PDE4B: variants seen among roughly 807,000 people sequenced by gnomAD.
The protein encoded by PDE4B is 3',5'-cyclic-AMP phosphodiesterase 4B.
Under a neutral mutation model 82.2 loss-of-function variants are expected in PDE4B, and 20 were observed. The ratio of observed to expected loss-of-function variants is 0.24; its 90% CI spans 0.17 to 0.35. The LOEUF (loss-of-function observed/expected upper bound fraction) is 0.35. PDE4B is among the 10% of genes least tolerant of loss of function. The pLI, the probability that PDE4B is intolerant of heterozygous loss-of-function variation, is 1.00. For synonymous variants in PDE4B, 320 were observed against 318.9 expected, an observed-to-expected ratio of 1.00 and a Z score of -0.04; for missense variants, 655 against 907.2, an observed-to-expected ratio of 0.72 and a Z score of 3.57.
intron 3 of PDE4B, among the ~76,000 whole-genome samples, chr1:65,950,769 G>C (rs920620975): frequency 6.6e-6 from 1 of 152,046 alleles, no homozygotes; most frequent in African/African-American, 2.4e-5. Flanking sequence ...CTCTGGAATA[G>C]GGGTGAGCTG....
chr1:65,952,368 A>G (rs1569798352), intron 3 of PDE4B, among the ~76,000 whole-genome samples: 2 of 152,092 alleles, frequency 1.3e-5, no homozygotes, highest in Admixed American at 1.3e-4. Flanking sequence ...TCATAAAAAG[A>G]AAGTGAATTC....
At position 65,946,752 on chromosome 1, in the gene PDE4B, C is replaced by G. The variant is rs536906212; in HGVS notation, c.281+27917C>G. On this transcript the variant is annotated intron_variant, in intron 3 of 16. Coordinates refer to ENST00000341517, the MANE Select transcript of PDE4B (RefSeq NM_002600.4). The stretch of plus-strand genomic sequence containing the variant: ...ATGTGGTGCAAGCAAGAGTCCTGGA[C>G]CTTATGCAGACCCATTTGTTGCCTG... 2.0e-5 allele frequency among the ~76,000 whole-genome samples: 3 copies of G among 152,052 alleles called. No homozygotes were observed. In the South Asian group the frequency reaches 6.2e-4, roughly 32 times the overall value.
At position 66,332,526 on chromosome 1, in the gene PDE4B, T is replaced by C; in HGVS notation, c.653T>C (p.Leu218Ser). Residue 218 changes from leucine to serine, a missense_variant, in exon 8 of 17, where the codon TTA becomes TCA. Transcript: ENST00000341517. ...TTTGCAGAAGAATCTTATCAAAAAT[T>C]AGCAATGGAAACGCTGGAGGAATTA... ...VNPQEESYQK[L>S]AMETLEELDW... 6.2e-7 allele frequency: 1 copy of C among 1,614,164 alleles called. No homozygotes were observed. The highest frequency in any genetic ancestry group is 2.2e-5 in the East Asian group (1 of 44,892).
intron 1 of PDE4B, among the ~76,000 whole-genome samples, chr1:65,888,185 C>A (rs1646813684): frequency 6.6e-6 from 1 of 152,098 alleles, no homozygotes; most frequent in Non-Finnish European, 1.5e-5. Flanking sequence ...ATTTTCCTAG[C>A]ACCATTTATT....
chr1:65,811,310 G>T (rs1437287704), intron 1 of PDE4B, among the ~76,000 whole-genome samples: 3 of 152,192 alleles, frequency 2.0e-5, no homozygotes, highest in African/African-American at 4.8e-5. Context: ...AATTTTTGTT[G>T]TATTTCATGG....
intron 7 of PDE4B, among the ~76,000 whole-genome samples, chr1:66,282,085 A>T (rs1656340717): frequency 6.6e-6 from 1 of 152,182 alleles, no homozygotes; most frequent in Admixed American, 6.5e-5. Context: ...CACCCTTGAG[A>T]TGGTGTTTAC....
chr1:65,845,321 A>G (rs1646256286), intron 1 of PDE4B, among the ~76,000 whole-genome samples: 1 of 152,212 alleles, frequency 6.6e-6, no homozygotes, highest in Admixed American at 6.6e-5. Context: ...CTAAATTTTT[A>G]GCCCTGCTCT....
intron 3 of PDE4B, among the ~76,000 whole-genome samples, chr1:66,214,668 C>T (rs1015853425): frequency 1.3e-5 from 2 of 151,974 alleles, no homozygotes; most frequent in Non-Finnish European, 2.9e-5. Context: ...GATTAAGAAT[C>T]TGTAGATCAG....
At chr1:65,908,365 A>T (rs1183817421) in intron 1 of PDE4B, among the ~76,000 whole-genome samples, 1 of 152,160 alleles carries the variant, frequency 6.6e-6, no homozygotes, top group Non-Finnish European at 1.5e-5. Flanking sequence ...AGAATTTAGA[A>T]TGATTGGCTT....
At chr1:65,972,610 G>A (rs1056178073) in intron 3 of PDE4B, among the ~76,000 whole-genome samples, 1 of 152,138 alleles carries the variant, frequency 6.6e-6, no homozygotes, top group African/African-American at 2.4e-5. Flanking sequence ...GGAATTGGAT[G>A]AGAGACACAA....
At chr1:65,883,689 C>G (rs982703437) in intron 1 of PDE4B, among the ~76,000 whole-genome samples, 1 of 152,122 alleles carries the variant, frequency 6.6e-6, no homozygotes, top group African/African-American at 2.4e-5. Flanking sequence ...ACTTCCAACA[C>G]TATGTTGAAT....
intron 3 of PDE4B, among the ~76,000 whole-genome samples, chr1:66,019,864 A>G (rs1652991826): frequency 6.6e-6 from 1 of 152,194 alleles, no homozygotes; most frequent in East Asian, 1.9e-4. Flanking sequence ...TGAGTAGACA[A>G]TACTCTCAGA....
intron 3 of PDE4B, among the ~76,000 whole-genome samples, chr1:66,218,413 T>C (rs1650679608): frequency 6.6e-6 from 1 of 152,126 alleles, no homozygotes; most frequent in Admixed American, 6.6e-5. Context: ...TCTAAACTGT[T>C]TGGAAAGTAC....
At chr1:66,357,042 G>A (rs759087781) in intron 9 of PDE4B, among the ~76,000 whole-genome samples, 2 of 152,166 alleles carry the variant, frequency 1.3e-5, no homozygotes, top group African/African-American at 2.4e-5. Context: ...AATGCCCAAC[G>A]ATTTTTCATT....
intron 3 of PDE4B, among the ~76,000 whole-genome samples, chr1:66,125,075 G>A (rs1278416495): frequency 6.6e-6 from 1 of 151,210 alleles, no homozygotes; most frequent in Non-Finnish European, 1.5e-5. Context: ...TTGAGACGGA[G>A]TCTCAATCTA....
intron 1 of PDE4B, among the ~76,000 whole-genome samples, chr1:65,829,068 A>G (rs919259037): frequency 6.6e-6 from 1 of 150,390 alleles, no homozygotes; most frequent in Admixed American, 6.6e-5. Context: ...AACAACAACA[A>G]CAAAACACTT....
At chr1:66,192,604 T>C (rs1383236657) in intron 3 of PDE4B, among the ~76,000 whole-genome samples, 2 of 152,224 alleles carry the variant, frequency 1.3e-5, no homozygotes, top group Non-Finnish European at 2.9e-5. Context: ...CCTGTGAGGT[T>C]CTCAAGAAAT....
chr1:66,363,091 A>G, intron 10 of PDE4B, 77 bp from the exon 11 acceptor site: 2 of 1,013,666 alleles, frequency 2.0e-6, no homozygotes, highest in South Asian at 2.8e-5. Context: ...GCCAATGTCC[A>G]AAAAATAAAT....
At chr1:65,904,476 T>C (rs1204303572) in intron 1 of PDE4B, among the ~76,000 whole-genome samples, 2 of 152,200 alleles carry the variant, frequency 1.3e-5, no homozygotes, top group East Asian at 3.8e-4. Flanking sequence ...CCTATGAGAT[T>C]ACATGAAAGA....
Sources: allele counts gnomAD v4.1 joint callset (sites outside exome capture counted in the v4.1 genomes callset), GRCh38; gene constraint gnomAD v4.1.1; transcripts MANE v1.5; gene names NCBI Gene and HGNC (gene_info 2026-07-23, HGNC 2026-07-21).